The following PPP1R1B variants were observed in gnomAD, a reference collection of about 807,000 sequenced individuals.
PPP1R1B encodes the protein protein phosphatase 1 regulatory subunit 1B.
A neutral mutation model predicts 28.2 loss-of-function variants in PPP1R1B; 13 were observed. The observed-to-expected ratio is 0.46, with a 90% CI of 0.30 to 0.73. The LOEUF is 0.73. Among genes scored for constraint, PPP1R1B ranks in the 30% least tolerant of loss-of-function variants. The pLI is 0.07. For synonymous variants in PPP1R1B, 102 were observed against 97.5 expected (o/e 1.05, Z -0.27); for missense variants, 236 against 256.7 (o/e 0.92, Z 0.55).
Position 39,627,441 on chromosome 17 carries a change from C to G in PPP1R1B, c.49C>G (p.Pro17Ala). 6.2e-7 allele frequency: 1 copy of G among 1,602,824 alleles called. No homozygotes were observed. Among genetic ancestry groups the G allele is most frequent in the Non-Finnish European group, 8.5e-7 (1 of 1,175,952 alleles). The change falls in exon 1 of 7, where the codon CCT becomes GCT. Residue 17 changes from proline (P) to alanine (A), a missense_variant. By Grantham distance (27) the Pro-to-Ala change is conservative. Coordinates refer to ENST00000254079, the MANE Select transcript of PPP1R1B (RefSeq NM_032192.4). ...GATCCAGTTCTCGGTGCCCGCGCCC[C>G]CTAGCCAGCTCGACCCCCGCCAGGT... ...KKIQFSVPAP[P>A]SQLDPRQVEM...
intron 4 of PPP1R1B, among the ~76,000 whole-genome samples, chr17:39,631,414 G>A (rs1277777683): frequency 6.6e-6 from 1 of 152,190 alleles, no homozygotes; most frequent in Non-Finnish European, 1.5e-5. Context: ...CAACCTGGAG[G>A]AGGCTTCGTT....
chr17:39,631,176 A>T (rs1298289064), intron 4 of PPP1R1B, among the ~76,000 whole-genome samples: 1 of 152,168 alleles, frequency 6.6e-6, no homozygotes, highest in Non-Finnish European at 1.5e-5. Flanking sequence ...TTGAGGCTGC[A>T]GTGAGCTATG....
chr17:39,636,150 A>G lies in PPP1R1B; in HGVS notation c.*285A>G. Reference sequence around the variant, plus strand: ...CAGCCCACATTGGAAAATCCAGAAAACCGGGAACAGGGATTTGCCCTTCAC... The same window carrying G: ...CAGCCCACATTGGAAAATCCAGAAAGCCGGGAACAGGGATTTGCCCTTCAC... On this transcript the variant is annotated 3_prime_UTR_variant, in exon 7 of 7. Coordinates refer to ENST00000254079, the MANE Select transcript of PPP1R1B (RefSeq NM_032192.4). 2.1e-6 allele frequency: 1 copy of G among 468,414 alleles called. No homozygotes were observed. The highest frequency in any genetic ancestry group is 3.9e-6 in the Non-Finnish European group (1 of 256,408). 29.0% of individuals were successfully genotyped at this position (468,414 alleles called of 1,614,324 possible).
intron 5 of PPP1R1B, among the ~76,000 whole-genome samples, 172 bp from the exon 6 acceptor site, chr17:39,635,435 G>C (rs7212852): frequency 6.6e-6 from 1 of 152,020 alleles, no homozygotes; most frequent in Non-Finnish European, 1.5e-5. Context: ...ACTGACTTAC[G>C]TAAGCCATAT....
intron 5 of PPP1R1B, 55 bp from the exon 6 acceptor site, chr17:39,635,552 A>T (rs2056913189): frequency 3.2e-6 from 5 of 1,584,728 alleles, no homozygotes; most frequent in Non-Finnish European, 4.3e-6. Context: ...ACACTCCAGG[A>T]CAGCCGGATG....
rs1253254924 is a variant in PPP1R1B at position 39,633,918 on chromosome 17, A to G, written c.277A>G (p.Ile93Val). 3 of 1,613,864 alleles carry G rather than the reference A, an allele frequency of 1.9e-6. No homozygotes were observed. Among genetic ancestry groups the G allele is most frequent in the African/African-American group, 2.7e-5 (2 of 75,042 alleles). The change falls in exon 5 of 7, where the codon ATC becomes GTC. Residue 93 changes from isoleucine (I) to valine (V), a missense_variant. Ile to Val is a conservative substitution (Grantham distance 29). Transcript: ENST00000254079. ...QRIAESHLQS[I>V]SNLNENQASE... The stretch of plus-strand genomic sequence containing the variant: ...CATTGCTGAGTCTCACCTGCAGTCT[A>G]TCAGCAATTTGAATGAGAACCAGGC...
At chr17:39,631,491 T>A (rs568832233) in intron 4 of PPP1R1B, among the ~76,000 whole-genome samples, 1 of 152,184 alleles carries the variant, frequency 6.6e-6, no homozygotes, top group Non-Finnish European at 1.5e-5. Context: ...CTAAGCCCTG[T>A]TGCCTACCAA....
In PPP1R1B at chr17:39,626,972, AGAG is replaced by A. The variant is rs2056842178; in HGVS notation, c.-414_-412del. 1 of 170,560 alleles carries A rather than the reference AGAG, an allele frequency of 5.9e-6. No individual in the cohort carries two copies. The highest frequency in any genetic ancestry group is 6.4e-5 in the Admixed American group (1 of 15,596). 10.6% of individuals were successfully genotyped at this position (170,560 alleles called of 1,614,324 possible). On this transcript the variant is annotated 5_prime_UTR_variant, in exon 1 of 7. Transcript: ENST00000254079. ...CCGGCAGAGGCAGAGACACACGCGG[AGAG>A]GAGGAGAGGCTGAGGGAGGGAGGTG...
rs372252638 is a variant in PPP1R1B, at chr17:39,635,398, CT to C, written c.446-206del. Among the ~76,000 whole-genome samples, 479 of 152,218 alleles carry C rather than the reference CT, an allele frequency of 3.1e-3. 3 individuals carry two copies. Among genetic ancestry groups the C allele is most frequent in the African/African-American group, 0.011 (457 of 41,520 alleles). On this transcript the variant is annotated intron_variant, in intron 5 of 6. Coordinates refer to ENST00000254079, the MANE Select transcript of PPP1R1B (RefSeq NM_032192.4). ...TTAAGGTAATCTACACAATTTCCCC[CT>C]TTCTATTTCCTTCAGAAAGGTACTA...
Position 39,629,548 on chromosome 17 carries a change from G to C in PPP1R1B, c.151G>C (p.Ala51Pro). 1.2e-6 allele frequency: 2 copies of C among 1,613,814 alleles called. No homozygotes were observed. The highest frequency in any genetic ancestry group is 1.7e-6 in the Non-Finnish European group (2 of 1,179,976). Residue 51 changes from alanine to proline, a missense_variant, in exon 3 of 7, where the codon GCC becomes CCC. Transcript: ENST00000254079. ...TTGGTGGCCTTCCTCAGAGGAGGAA[G>C]CCTCCCCCCACCAGGTGAGTTTCCT... ...LSEHSSPEEE[A>P]SPHQRASGEG...
At chr17:39,629,763 C>T (rs1291926383) in intron 3 of PPP1R1B, among the ~76,000 whole-genome samples, 1 of 152,234 alleles carries the variant, frequency 6.6e-6, no homozygotes, top group Non-Finnish European at 1.5e-5. Flanking sequence ...GGTGGAACCT[C>T]CTGGACCTAG....
At chr17:39,630,693 G>GCTCC (rs770774109) in intron 4 of PPP1R1B, among the ~76,000 whole-genome samples, 10 of 152,330 alleles carry the variant, frequency 6.6e-5, no homozygotes, top group Middle Eastern at 3.4e-3. Context: ...GGAGGCCAAG[G>GCTCC]CGGGAGGACT....
Position 39,627,094 on chromosome 17 carries a change from A to G in PPP1R1B, c.-299A>G. The G allele has an allele frequency of 4.9e-6, 2 of 404,148 alleles. No individual in the cohort carries two copies. Among genetic ancestry groups the G allele is most frequent in the South Asian group, 9.5e-5 (2 of 21,136 alleles). The allele number at this position is 404,148 out of a possible 1,614,324, so 25.0% of individuals were successfully genotyped here. ...CAGAGACACTCAGGAGGGGAGAGAC[A>G]CCGAGACGCAGAGACACCCAGGCCG... On this transcript the variant is annotated 5_prime_UTR_variant, in exon 1 of 7. Coordinates refer to ENST00000254079, the MANE Select transcript of PPP1R1B (RefSeq NM_032192.4).
Position 39,634,102 on chromosome 17 carries a change from T to C in PPP1R1B, c.445+16T>C. 6.2e-7 allele frequency: 1 copy of C among 1,613,212 alleles called. No homozygotes were observed. Among genetic ancestry groups the C allele is most frequent in the Non-Finnish European group, 8.5e-7 (1 of 1,179,774 alleles). ...AGGCAGTCTGGTAAGCTGAGGGGCC[T>C]GTGACATGTGGATTAGCTGTGGGTC... On this transcript the variant is annotated intron_variant, in intron 5 of 6. Transcript: ENST00000254079.
rs190960851 is a variant in PPP1R1B, at chr17:39,628,288, C to T, written c.81+815C>T. On this transcript the variant is annotated intron_variant, in intron 1 of 6. Coordinates refer to ENST00000254079, the MANE Select transcript of PPP1R1B (RefSeq NM_032192.4). Reference sequence around the variant, plus strand: ...AGAGGGCAGGGGGTACAGTCCTGGGCCTAAGCAGCTTTGGGTCATGAGGGT... The same window carrying T: ...AGAGGGCAGGGGGTACAGTCCTGGGTCTAAGCAGCTTTGGGTCATGAGGGT... Among the ~76,000 whole-genome samples the T allele has an allele frequency of 2.2e-4, 34 of 152,054 alleles. No individual in the cohort carries two copies. In the East Asian group the frequency reaches 6.0e-3, roughly 27 times the overall value.
In PPP1R1B at chr17:39,627,346, G is replaced by A. The variant is rs745755105; in HGVS notation, c.-47G>A. ...GGGGAGCCCAGCACAGACCGCCGCC[G>A]GGACCCCGAGTCGCGCACCCCAGCC... On this transcript the variant is annotated 5_prime_UTR_variant, in exon 1 of 7. Transcript: ENST00000254079. The A allele has an allele frequency of 1.8e-5, 25 of 1,388,990 alleles. No homozygotes were observed. The allele number at this position is 1,388,990 out of a possible 1,614,324, so 86.0% of individuals were successfully genotyped here.
Position 39,627,388 on chromosome 17 carries a change from G to C in PPP1R1B, c.-5G>C, listed in dbSNP as rs767090335. ...ACCCCAGCCCCACCGCCCACCCCGCGCGCCATGGACCCCAAGGACCGCAAG... is the reference window on the plus strand; with the variant it reads ...ACCCCAGCCCCACCGCCCACCCCGCCCGCCATGGACCCCAAGGACCGCAAG... On this transcript the variant is annotated 5_prime_UTR_variant, in exon 1 of 7. Coordinates refer to ENST00000254079, the MANE Select transcript of PPP1R1B (RefSeq NM_032192.4). The C allele has an allele frequency of 2.5e-5, 40 of 1,596,478 alleles. 2 individuals are homozygous for C. The South Asian group carries it at 4.4e-4, about 18-fold the overall frequency.
chr17:39,630,458 G>T, intron 4 of PPP1R1B: 1 of 227,206 alleles, frequency 4.4e-6, no homozygotes, highest in South Asian at 7.0e-5. Context: ...CATTTGCACA[G>T]ATCTGCACAC....
chr17:39,628,929 T>TC (rs1248033377), intron 1 of PPP1R1B, among the ~76,000 whole-genome samples: 1 of 152,208 alleles, frequency 6.6e-6, no homozygotes, highest in East Asian at 1.9e-4. Context: ...CTGGGGTTTT[T>TC]CTCGTCCTTT....
Sources: allele counts gnomAD v4.1 joint callset (sites outside exome capture counted in the v4.1 genomes callset), GRCh38; gene constraint gnomAD v4.1.1; transcripts MANE v1.5; gene names NCBI Gene and HGNC (gene_info 2026-07-23, HGNC 2026-07-21).